The following KIF13A variants were observed in gnomAD, a reference collection of about 807,000 sequenced individuals.
The protein encoded by KIF13A is kinesin-like protein KIF13A.
In KIF13A, 79 loss-of-function variants were observed where a neutral mutation model predicts 212.2. That is an observed-to-expected ratio of 0.37 (90% confidence interval 0.31 to 0.45). The LOEUF is 0.45. Among genes scored for constraint, KIF13A ranks in the 20% least tolerant of loss-of-function variants. KIF13A has a pLI of 1.00. For missense variants in KIF13A, 1,901 were observed against 2,209.0 expected, an observed-to-expected ratio of 0.86 and a Z score of 2.79; for synonymous variants, 789 against 808.6, an observed-to-expected ratio of 0.98 and a Z score of 0.41.
chr6:17,816,423 A>C lies in KIF13A; in HGVS notation c.2000+597T>G, dbSNP rs2150354190. Reference sequence around the variant, plus strand: ...TCGTTATGTTGCTCAGGCTGGTCTTAAACTCCTGGGCTCAAGCGATCCTCC... The same window carrying C: ...TCGTTATGTTGCTCAGGCTGGTCTTCAACTCCTGGGCTCAAGCGATCCTCC... On this transcript the variant is annotated intron_variant, in intron 17 of 38. Coordinates refer to ENST00000259711, the MANE Select transcript of KIF13A (RefSeq NM_022113.6). The surrounding 1 kb of genome is among the most constrained non-coding windows in gnomAD (Gnocchi z 4.3). 6.6e-6 allele frequency among the ~76,000 whole-genome samples: 1 copy of C among 152,196 alleles called. No homozygotes were observed. The highest frequency in any genetic ancestry group is 2.1e-4 in the South Asian group (1 of 4,828).
intron 2 of KIF13A, among the ~76,000 whole-genome samples, chr6:17,966,783 G>A (rs150431937): frequency 2.6e-4 from 40 of 151,922 alleles, no homozygotes; most frequent in East Asian, 5.8e-4. Flanking sequence ...ATTATTGCAC[G>A]AACAATAATA....
intron 2 of KIF13A, among the ~76,000 whole-genome samples, chr6:17,905,051 G>A (rs1467446866): frequency 2.0e-5 from 3 of 152,178 alleles, no homozygotes; most frequent in African/African-American, 7.2e-5. Context: ...GGCCTCATGG[G>A]GCCCAGGACG....
rs1004515364 is a variant in KIF13A, at chr6:17,900,895, G to A, written c.147-2715C>T. On this transcript the variant is annotated intron_variant, in intron 2 of 38. Coordinates refer to ENST00000259711, the MANE Select transcript of KIF13A (RefSeq NM_022113.6). The surrounding 1 kb of genome is among the most constrained non-coding windows in gnomAD (Gnocchi z 4.6). ...GGATCGAGACCATCCTGGTTAACAC[G>A]GTGAAACCCCGCCTCTACTAAAAAT... Among the ~76,000 whole-genome samples, 7 of 151,866 alleles carry A rather than the reference G, an allele frequency of 4.6e-5. No individual in the cohort carries two copies. Among genetic ancestry groups the A allele is most frequent in the Non-Finnish European group, 8.8e-5 (6 of 67,904 alleles).
intron 2 of KIF13A, among the ~76,000 whole-genome samples, chr6:17,966,363 A>T (rs1779306174): frequency 6.6e-6 from 1 of 152,040 alleles, no homozygotes; most frequent in Non-Finnish European, 1.5e-5. Context: ...ACCCTAGTAT[A>T]CCCATTAGAA....
At chr6:17,885,974 A>G (rs963671195) in intron 3 of KIF13A, among the ~76,000 whole-genome samples, 13 of 152,198 alleles carry the variant, frequency 8.5e-5, no homozygotes, top group Non-Finnish European at 1.8e-4. Flanking sequence ...AGCCACCCAA[A>G]TAACTTCTTC....
In KIF13A at chr6:17,826,205, G is replaced by A. The variant is rs1358870693; in HGVS notation, c.1533-81C>T. ...CCTGGTAGCCAAAGAGATAACTAGG[G>A]GAGCTTTCTCTTAATAAATGCATTC... On this transcript the variant is annotated intron_variant, in intron 14 of 38. Coordinates refer to ENST00000259711, the MANE Select transcript of KIF13A (RefSeq NM_022113.6). The surrounding 1 kb of genome is among the most constrained non-coding windows in gnomAD (Gnocchi z 4.7). 1 of 1,016,544 alleles carries A rather than the reference G, an allele frequency of 9.8e-7. No homozygotes were observed. The highest frequency in any genetic ancestry group is 1.5e-6 in the Non-Finnish European group (1 of 658,102). The allele number at this position is 1,016,544 out of a possible 1,614,324, so 63.0% of individuals were successfully genotyped here.
At chr6:17,801,365 C>T (rs1256119053) in intron 20 of KIF13A, among the ~76,000 whole-genome samples, 2 of 152,038 alleles carry the variant, frequency 1.3e-5, no homozygotes, top group African/African-American at 4.8e-5. Context: ...ATTAGCCAGG[C>T]ATGGTGGGTC....
In KIF13A at chr6:17,778,939, T is replaced by TA. The variant is rs1760234688; in HGVS notation, c.4092+7_4092+8insT. On this transcript the variant is annotated splice_region_variant and intron_variant, in intron 33 of 38. Transcript: ENST00000259711. ...TTTCATCCTCGGTCCAGATATTCAG[T>TA]TACTTGCCTGCCGGAGCCGTTCAAG... 1.3e-6 allele frequency: 2 copies of TA among 1,569,294 alleles called. No individual in the cohort carries two copies. Among genetic ancestry groups the TA allele is most frequent in the African/African-American group, 2.7e-5 (2 of 74,064 alleles).
Position 17,922,675 on chromosome 6 carries a change from C to T in KIF13A, c.147-24495G>A, listed in dbSNP as rs147630927. On this transcript the variant is annotated intron_variant, in intron 2 of 38. Transcript: ENST00000259711. ...AGGAAAGTGAGGTTATTTAGAAGGA[C>T]ACTCCTTTGGGTCCACTCTTCTAAA... 6.9e-3 allele frequency among the ~76,000 whole-genome samples: 1,044 copies of T among 151,240 alleles called. 10 individuals carry two copies. The highest frequency in any genetic ancestry group is 0.024 in the African/African-American group (984 of 41,188).
At chr6:17,966,784 AACAATAATAAC>A (rs1779360390) in intron 2 of KIF13A, among the ~76,000 whole-genome samples, 1 of 152,108 alleles carries the variant, frequency 6.6e-6, no homozygotes, top group Admixed American at 6.6e-5. Context: ...TTATTGCACG[AACAATAATAAC>A]ACACACTAAG....
Position 17,771,744 on chromosome 6 carries a change from C to T in KIF13A, c.4476+164G>A. 1 of 613,448 alleles carries T rather than the reference C, an allele frequency of 1.6e-6. No homozygotes were observed. The highest frequency in any genetic ancestry group is 2.9e-6 in the Non-Finnish European group (1 of 345,930). The allele number at this position is 613,448 out of a possible 1,614,324, so 38.0% of individuals were successfully genotyped here. A position where few individuals can be genotyped will look rare whatever the true frequency, so the allele number is the denominator to read the frequency against. On this transcript the variant is annotated intron_variant, in intron 37 of 38. Coordinates refer to ENST00000259711, the MANE Select transcript of KIF13A (RefSeq NM_022113.6). This position sits in a 1 kb window ranked among gnomAD's most constrained non-coding sequence, Gnocchi z 5.4. ...CAGCAACAACAAACAAGAGATTCTA[C>T]CATGACTCTGCATGCTTGAGAAAGA...
At chr6:17,854,565 T>TTTTTTTTTTTTTG (rs1767972395) in intron 6 of KIF13A, among the ~76,000 whole-genome samples, 1 of 136,908 alleles carries the variant, frequency 7.3e-6, no homozygotes, top group Non-Finnish European at 1.6e-5. Flanking sequence ...TTTTTTTTTT[T>TTTTTTTTTTTTTG]TTTTTTTTGA....
chr6:17,941,579 A>G (rs1776958391), intron 2 of KIF13A, among the ~76,000 whole-genome samples: 1 of 152,132 alleles, frequency 6.6e-6, no homozygotes, highest in Non-Finnish European at 1.5e-5. Context: ...ACAGAGAAGG[A>G]AGACAATGAG....
At chr6:17,884,511 A>C (rs1428728335) in intron 3 of KIF13A, among the ~76,000 whole-genome samples, 1 of 151,800 alleles carries the variant, frequency 6.6e-6, no homozygotes, top group Non-Finnish European at 1.5e-5. Flanking sequence ...ATGGGTACTC[A>C]GTATTTGCTG....
In KIF13A at chr6:17,839,100, G is replaced by A. The variant is rs1348136583; in HGVS notation, c.831-1517C>T. Among the ~76,000 whole-genome samples the A allele has an allele frequency of 6.6e-6, 1 of 152,178 alleles. No homozygotes were observed. Among genetic ancestry groups the A allele is most frequent in the Non-Finnish European group, 1.5e-5 (1 of 68,034 alleles). On this transcript the variant is annotated intron_variant, in intron 9 of 38. Transcript: ENST00000259711. This position sits in a 1 kb window ranked among gnomAD's most constrained non-coding sequence, Gnocchi z 4.3. ...ATCCCAAAGTGCTGGGATTATAGGC[G>A]TGAGCCACTGCGCCCAGCCAAGAAG...
intron 2 of KIF13A, among the ~76,000 whole-genome samples, chr6:17,902,183 G>A (rs1773109615): frequency 6.6e-6 from 1 of 152,080 alleles, no homozygotes; most frequent in Non-Finnish European, 1.5e-5. Flanking sequence ...CCGACACATA[G>A]GTTTGATTGC....
intron 3 of KIF13A, among the ~76,000 whole-genome samples, chr6:17,896,092 C>G (rs772992973): frequency 3.3e-5 from 5 of 152,116 alleles, no homozygotes; most frequent in Admixed American, 3.3e-4. Flanking sequence ...TCCCCTGGAA[C>G]CCATCTATAG....
At position 17,826,157 on chromosome 6, in the gene KIF13A, T is replaced by C. The variant is rs1299779159; in HGVS notation, c.1533-33A>G. On this transcript the variant is annotated intron_variant, in intron 14 of 38. Transcript: ENST00000259711. The surrounding 1 kb of genome is among the most constrained non-coding windows in gnomAD (Gnocchi z 4.7). ...AACACGAGGGAAAATACCAGGTAAA[T>C]GGGAAGGAGCACAAGACCTTGTCCT... The C allele has an allele frequency of 7.8e-6, 12 of 1,546,338 alleles. No individual in the cohort carries two copies. The highest frequency in any genetic ancestry group is 9.8e-6 in the Non-Finnish European group (11 of 1,119,688).
chr6:17,775,364 G>C (rs984924813), intron 34 of KIF13A, among the ~76,000 whole-genome samples: 1 of 152,080 alleles, frequency 6.6e-6, no homozygotes, highest in Non-Finnish European at 1.5e-5. Context: ...GTCAAGTATT[G>C]ATATGTGTAC....
Sources: gnomAD v4.1 joint callset for allele counts (sites outside exome capture counted in the v4.1 genomes callset) on GRCh38, gnomAD v4.1.1 for gene constraint, Gnocchi (gnomAD v3.1) non-coding constraint, MANE v1.5 for transcripts, NCBI Gene and HGNC (gene_info 2026-07-23, HGNC 2026-07-21) for gene names.